VPS13A: variants seen among roughly 807,000 people sequenced by gnomAD.
The protein encoded by VPS13A is intermembrane lipid transfer protein VPS13A.
VPS13A carries 264 observed loss-of-function variants against 390.9 expected under a neutral mutation model. The observed-to-expected ratio is 0.68, with a 90% CI of 0.61 to 0.75. The LOEUF (loss-of-function observed/expected upper bound fraction) is 0.75. Among genes scored for constraint, VPS13A ranks in the 30% least tolerant of loss-of-function variants. The probability of loss-of-function intolerance (pLI) is 0.00; values close to 1 mark genes in which losing one functional copy is unlikely to be tolerated. For synonymous variants in VPS13A, 1,231 were observed against 1,227.1 expected (o/e 1.00, Z -0.07); for missense variants, 3,409 against 3,733.9 (o/e 0.91, Z 2.27).
At chr9:77,396,396 A>G (rs1166098887) in intron 68 of VPS13A, among the ~76,000 whole-genome samples, 3 of 152,330 alleles carry the variant, frequency 2.0e-5, no homozygotes, top group South Asian at 2.1e-4. Context: ...GGATGAAGTT[A>G]TGAGGGATAA....
intron 23 of VPS13A, among the ~76,000 whole-genome samples, chr9:77,268,901 C>T (rs1215932404): frequency 1.3e-5 from 2 of 150,520 alleles, no homozygotes; most frequent in Non-Finnish European, 2.9e-5. Flanking sequence ...GATTGCGCCA[C>T]TGCACTCCAG....
intron 58 of VPS13A, 143 bp from the exon 59 acceptor site, chr9:77,360,393 C>T: frequency 1.6e-6 from 1 of 621,300 alleles, no homozygotes; most frequent in Non-Finnish European, 2.8e-6. Context: ...AACAGTGTTC[C>T]ATGATTTTTT....
At chr9:77,371,708 C>T (rs1264008529) in intron 67 of VPS13A, among the ~76,000 whole-genome samples, 1 of 150,928 alleles carries the variant, frequency 6.6e-6, no homozygotes, top group Non-Finnish European at 1.5e-5. Context: ...GCACATTGCG[C>T]AGGTTAGTTA....
chr9:77,411,845 A>C (rs1834948033), intron 71 of VPS13A, among the ~76,000 whole-genome samples: 1 of 152,036 alleles, frequency 6.6e-6, no homozygotes, highest in African/African-American at 2.4e-5. Context: ...ATGGACCGCC[A>C]GCAAGTCTAA....
At chr9:77,240,229 C>T (rs1010749548) in intron 19 of VPS13A, among the ~76,000 whole-genome samples, 2 of 150,624 alleles carry the variant, frequency 1.3e-5, no homozygotes, top group African/African-American at 4.9e-5. Context: ...ATTACAGGCA[C>T]CCACCACAAC....
At chr9:77,400,915 A>C (rs1445506134) in intron 68 of VPS13A, among the ~76,000 whole-genome samples, 3 of 152,116 alleles carry the variant, frequency 2.0e-5, no homozygotes, top group African/African-American at 7.2e-5. Context: ...TCCATGTAGA[A>C]TTGATAGGGT....
At chr9:77,343,701 C>T (rs181788438) in intron 50 of VPS13A, among the ~76,000 whole-genome samples, 3 of 152,290 alleles carry the variant, frequency 2.0e-5, no homozygotes, top group East Asian at 3.9e-4. Context: ...TATTTGACAA[C>T]CAGATGCTAG....
At chr9:77,270,696 C>CAA (rs199623588) in intron 23 of VPS13A, among the ~76,000 whole-genome samples, 39 of 148,020 alleles carry the variant, frequency 2.6e-4, no homozygotes, top group Non-Finnish European at 4.6e-4. Flanking sequence ...GTCTCAAAAA[C>CAA]AAAAAAAAAA....
intron 21 of VPS13A, among the ~76,000 whole-genome samples, chr9:77,251,677 T>G (rs529684986): frequency 6.6e-6 from 1 of 152,198 alleles, no homozygotes; most frequent in Non-Finnish European, 1.5e-5. Flanking sequence ...GTCTATATTA[T>G]GCTATATGGC....
At chr9:77,248,118 A>G (rs375034130) in intron 20 of VPS13A, among the ~76,000 whole-genome samples, 366 of 152,300 alleles carry the variant, frequency 2.4e-3, no homozygotes, top group South Asian at 0.011. Flanking sequence ...TTTTTTGTGC[A>G]TAAAACTATA....
intron 19 of VPS13A, among the ~76,000 whole-genome samples, 181 bp from the exon 20 acceptor site, chr9:77,247,078 A>G (rs934684795): frequency 1.3e-5 from 2 of 152,152 alleles, no homozygotes; most frequent in African/African-American, 4.8e-5. Flanking sequence ...CTATATTTAA[A>G]TAGGAGTACA....
intron 67 of VPS13A, among the ~76,000 whole-genome samples, chr9:77,376,171 G>A (rs974068803): frequency 1.3e-5 from 2 of 152,198 alleles, no homozygotes; most frequent in African/African-American, 4.8e-5. Context: ...GCAAGAATGT[G>A]CTTGGCCTAT....
intron 67 of VPS13A, among the ~76,000 whole-genome samples, chr9:77,381,154 T>A (rs1326998913): frequency 6.6e-6 from 1 of 152,204 alleles, no homozygotes; most frequent in African/African-American, 2.4e-5. Context: ...TGGTTTTTTG[T>A]TTGTTTTTAG....
intron 23 of VPS13A, among the ~76,000 whole-genome samples, chr9:77,260,513 G>T (rs978048028): frequency 6.6e-6 from 1 of 151,394 alleles, no homozygotes; most frequent in East Asian, 1.9e-4. Flanking sequence ...CCGCCACCAC[G>T]CCCGGCTAAT....
intron 31 of VPS13A, among the ~76,000 whole-genome samples, chr9:77,285,131 C>G (rs1462519649): frequency 1.3e-5 from 2 of 152,144 alleles, no homozygotes; most frequent in Admixed American, 6.5e-5. Flanking sequence ...TTCTTTGATT[C>G]CATTGTACAT....
intron 20 of VPS13A, among the ~76,000 whole-genome samples, chr9:77,249,712 ACTT>A (rs1825045650): frequency 6.6e-6 from 1 of 152,156 alleles, no homozygotes. Context: ...GGACTCTTTT[ACTT>A]CTTATTGTAC....
At chr9:77,189,879 G>A (rs988611903) in intron 1 of VPS13A, among the ~76,000 whole-genome samples, 3 of 152,070 alleles carry the variant, frequency 2.0e-5, no homozygotes, top group Non-Finnish European at 4.4e-5. Context: ...GAATGGGATT[G>A]AATTCTTGAT....
At chr9:77,368,023 G>T (rs756680793) in intron 61 of VPS13A, 32 bp from the exon 62 acceptor site, 14 of 1,573,022 alleles carry the variant, frequency 8.9e-6, no homozygotes, top group Non-Finnish European at 1.1e-5. Flanking sequence ...TCATACACAT[G>T]TACAGACAAT....
In VPS13A at chr9:77,293,441, T is replaced by A; in HGVS notation, c.3440T>A (p.Ile1147Asn). 6.2e-7 allele frequency: 1 copy of A among 1,609,290 alleles called. No homozygotes were observed. The highest frequency in any genetic ancestry group is 8.5e-7 in the Non-Finnish European group (1 of 1,177,834). ...TACACAGATATGAATGTGGTTGACA[T>A]TCAGGTTAATTTAATAGTTGGTTGC... ...SAYTDMNVVD[I>N]QVNLIVGCIE... is the part of the protein sequence containing the mutation. The change falls in exon 32 of 72, where the codon ATT (isoleucine) becomes AAT (asparagine). Residue 1147 changes from isoleucine (I) to asparagine (N), a missense_variant. Around this residue, in one of 5 missense-constraint regions of VPS13A, gnomAD observed 2,717 missense variants for 2,917.4 expected, o/e 0.93. Coordinates refer to ENST00000360280, the MANE Select transcript of VPS13A (RefSeq NM_033305.3).
Sources: allele counts gnomAD v4.1 joint callset (sites outside exome capture counted in the v4.1 genomes callset), GRCh38; gene constraint gnomAD v4.1.1; regional missense constraint gnomAD v4.1.1; transcripts MANE v1.5; gene names NCBI Gene and HGNC (gene_info 2026-07-23, HGNC 2026-07-21).